Variants in ZMYND12 observed in about 807,000 individuals in gnomAD.
ZMYND12 encodes the protein zinc finger MYND-type containing 12.
Under a neutral mutation model 41.7 loss-of-function variants are expected in ZMYND12, and 32 were observed. That is an observed-to-expected ratio of 0.77 (90% CI 0.58 to 1.03). The LOEUF is 1.03. Among genes scored for constraint, ZMYND12 ranks in the 50% least tolerant of loss-of-function variants. The pLI, the probability that ZMYND12 is intolerant of heterozygous loss-of-function variation, is 0.00. For synonymous variants in ZMYND12, 148 were observed against 164.8 expected (o/e 0.90, Z 0.78); for missense variants, 424 against 438.5 (o/e 0.97, Z 0.30).
At chr1:42,438,334 G>A (rs555977010) in intron 4 of ZMYND12, among the ~76,000 whole-genome samples, 11 of 152,156 alleles carry the variant, frequency 7.2e-5, no homozygotes, top group African/African-American at 9.7e-5. Flanking sequence ...AAAGCCCTAC[G>A]AGTAAAACCA....
chr1:42,440,167 C>T (rs2148406517), intron 3 of ZMYND12, 142 bp from the exon 4 acceptor site: 2 of 792,840 alleles, frequency 2.5e-6, no homozygotes, highest in Non-Finnish European at 3.6e-6. Context: ...GGAATGTTCA[C>T]AGCAGCCTAT....
intron 3 of ZMYND12, among the ~76,000 whole-genome samples, chr1:42,440,803 G>C (rs1007500601): frequency 6.6e-6 from 1 of 151,862 alleles, no homozygotes; most frequent in Non-Finnish European, 1.5e-5. Flanking sequence ...CAAGTAGCTG[G>C]GACTGCAAGC....
In ZMYND12 at chr1:42,455,992, A is replaced by G. The variant is rs750612160; in HGVS notation, c.6T>C (p.Asn2=). M[N]VIYPLAVPKG... is the part of the protein sequence containing the mutation. ...TGGGGACTGCCAGTGGGTAGATCAC[A>G]TTCATGGTGCAGCCAGCAGTGCTGG... The change falls in exon 1 of 8, where the codon AAT becomes AAC. Residue 2 remains asparagine (N), a synonymous_variant. Transcript: ENST00000372565. 1.2e-6 allele frequency: 2 copies of G among 1,611,670 alleles called. No individual in the cohort carries two copies. Among genetic ancestry groups the G allele is most frequent in the South Asian group, 2.2e-5 (2 of 90,954 alleles).
At chr1:42,431,038 G>A (rs935289309) in intron 7 of ZMYND12, among the ~76,000 whole-genome samples, 180 bp from the exon 8 acceptor site, 1 of 152,194 alleles carries the variant, frequency 6.6e-6, no homozygotes, top group Non-Finnish European at 1.5e-5. Context: ...CCACATGTGC[G>A]CTGGGCAGGG....
At chr1:42,439,202 CAAATT>C (rs1377990746) in intron 4 of ZMYND12, among the ~76,000 whole-genome samples, 1 of 148,430 alleles carries the variant, frequency 6.7e-6, no homozygotes, top group Non-Finnish European at 1.5e-5. Flanking sequence ...AGAGGTTAAA[CAAATT>C]TTCCAAGACG....
At chr1:42,450,191 C>T (rs1322495757) in intron 1 of ZMYND12, 132 bp from the exon 2 acceptor site, 1 of 949,098 alleles carries the variant, frequency 1.1e-6, no homozygotes. Context: ...AGCTCAAAGC[C>T]ATTTCTGAGA....
Position 42,430,523 on chromosome 1 carries a change from GACAA to G in ZMYND12, c.*209_*212del, listed in dbSNP as rs1364851970. On this transcript the variant is annotated 3_prime_UTR_variant, in exon 8 of 8. Coordinates refer to ENST00000372565, the MANE Select transcript of ZMYND12 (RefSeq NM_032257.5). ...ATGATAAATCAAGTACAAAGGTCAT[GACAA>G]ACACAGTTTTTAGTGATTTCTATGC... 3.0e-5 allele frequency: 16 copies of G among 529,884 alleles called. No homozygotes were observed. In the East Asian group the frequency reaches 3.7e-4, roughly 12 times the overall value. The allele number at this position is 529,884 out of a possible 1,614,324, so 32.8% of individuals were successfully genotyped here.
chr1:42,448,351 C>T (rs1643045718), intron 3 of ZMYND12, 116 bp downstream of exon 3: 7 of 1,240,408 alleles, frequency 5.6e-6, no homozygotes, highest in Admixed American at 7.1e-5. Context: ...AGCAACCCTG[C>T]TCCTTCTACA....
chr1:42,448,943 A>C (rs547113324), intron 2 of ZMYND12, among the ~76,000 whole-genome samples: 1 of 152,290 alleles, frequency 6.6e-6, no homozygotes, highest in East Asian at 1.9e-4. Flanking sequence ...TTCTAATAAA[A>C]CTTTACTTTA....
At chr1:42,439,361 G>C (rs1642942155) in intron 4 of ZMYND12, among the ~76,000 whole-genome samples, 2 of 151,992 alleles carry the variant, frequency 1.3e-5, no homozygotes, top group Non-Finnish European at 2.9e-5. Context: ...CACCTCCCGG[G>C]TTCAGGTGAT....
At chr1:42,450,107 T>A in intron 1 of ZMYND12, 48 bp from the exon 2 acceptor site, 1 of 1,600,980 alleles carries the variant, frequency 6.2e-7, no homozygotes, top group Non-Finnish European at 8.5e-7. Flanking sequence ...TGGCATGACT[T>A]AAGATTCCAT....
chr1:42,432,991 A>G (rs1427929798), intron 7 of ZMYND12, 152 bp downstream of exon 7: 22 of 907,434 alleles, frequency 2.4e-5, no homozygotes, highest in Non-Finnish European at 3.3e-5. Flanking sequence ...GACTCAACAC[A>G]GGAGAAACAT....
chr1:42,447,828 G>A (rs902959114), intron 3 of ZMYND12, among the ~76,000 whole-genome samples: 1 of 152,050 alleles, frequency 6.6e-6, no homozygotes, highest in African/African-American at 2.4e-5. Flanking sequence ...TGCTAAGTCT[G>A]CTCTATACTC....
At chr1:42,439,177 C>A (rs1464859461) in intron 4 of ZMYND12, among the ~76,000 whole-genome samples, 1 of 152,082 alleles carries the variant, frequency 6.6e-6, no homozygotes, top group African/African-American at 2.4e-5. Context: ...TTATTCCTGT[C>A]TTGCAGGTGA....
Position 42,439,924 on chromosome 1 carries a change from G to C in ZMYND12, c.526C>G (p.Arg176Gly). The change falls in exon 4 of 8, where the codon CGG becomes GGG. Residue 176 changes from arginine to glycine, a missense_variant. Transcript: ENST00000372565. ...CSNATHSLLH[R>G]NLGLLYIAKK... ...GCTATATAGAGAAGTCCCAGATTCC[G>C]ATGCAGTAAAGAGTGGGTGGCATTA... The C allele has an allele frequency of 6.2e-7, 1 of 1,614,100 alleles. No homozygotes were observed. The highest frequency in any genetic ancestry group is 8.5e-7 in the Non-Finnish European group (1 of 1,180,030).
intron 5 of ZMYND12, among the ~76,000 whole-genome samples, chr1:42,435,848 C>G (rs1190645598): frequency 1.3e-5 from 2 of 152,246 alleles, no homozygotes; most frequent in South Asian, 2.1e-4. Context: ...CAAAATGCCT[C>G]TTTCTCAGAA....
At chr1:42,445,182 C>A (rs1643010546) in intron 3 of ZMYND12, among the ~76,000 whole-genome samples, 1 of 151,350 alleles carries the variant, frequency 6.6e-6, no homozygotes, top group Non-Finnish European at 1.5e-5. Context: ...CCTGTAATCC[C>A]AGCACTTTGG....
At chr1:42,450,580 A>G (rs1192184743) in intron 1 of ZMYND12, among the ~76,000 whole-genome samples, 1 of 152,078 alleles carries the variant, frequency 6.6e-6, no homozygotes, top group Non-Finnish European at 1.5e-5. Context: ...TTGTGTCTAT[A>G]CCCAACACAG....
chr1:42,439,830 C>A, intron 4 of ZMYND12, 26 bp downstream of exon 4: 1 of 1,574,800 alleles, frequency 6.4e-7, no homozygotes, highest in Non-Finnish European at 8.6e-7. Flanking sequence ...TGGAAATATA[C>A]AGGTGTTATA....
Sources: gnomAD v4.1 joint callset for allele counts (sites outside exome capture counted in the v4.1 genomes callset) on GRCh38, gnomAD v4.1.1 for gene constraint, MANE v1.5 for transcripts, NCBI Gene and HGNC (gene_info 2026-07-23, HGNC 2026-07-21) for gene names.